The following LRRC7 variants were observed in gnomAD, a reference collection of about 807,000 sequenced individuals.
LRRC7 encodes the protein leucine rich repeat containing 7.
A neutral mutation model predicts 175.7 loss-of-function variants in LRRC7; 23 were observed. The ratio of observed to expected loss-of-function variants is 0.13; its 90% CI spans 0.09 to 0.19. The LOEUF (loss-of-function observed/expected upper bound fraction) is 0.19, where lower values mean the gene tolerates loss of function less well. Among genes scored for constraint, LRRC7 ranks in the 10% least tolerant of loss-of-function variants. The probability of loss-of-function intolerance (pLI) is 1.00; values close to 1 mark genes in which losing one functional copy is unlikely to be tolerated. For synonymous variants in LRRC7, 685 were observed against 680.9 expected (o/e 1.01, Z -0.09); for missense variants, 1,354 against 1,904.7 (o/e 0.71, Z 5.38).
intron 7 of LRRC7, among the ~76,000 whole-genome samples, chr1:69,899,625 A>G (rs537433834): frequency 1.1e-4 from 16 of 152,332 alleles, no homozygotes; most frequent in African/African-American, 3.8e-4. Flanking sequence ...ACAAATGATC[A>G]TGGCTGTGTT....
At chr1:69,671,344 A>G (rs925204764) in intron 1 of LRRC7, among the ~76,000 whole-genome samples, 8 of 152,168 alleles carry the variant, frequency 5.3e-5, no homozygotes, top group Middle Eastern at 6.8e-3. Context: ...GCTCTATCCT[A>G]CTGTGGCTAA....
intron 9 of LRRC7, 94 bp downstream of exon 9, chr1:69,980,547 G>A: frequency 9.7e-7 from 1 of 1,032,618 alleles, no homozygotes; most frequent in East Asian, 2.5e-5. Context: ...CAGTATTTGT[G>A]TTTCAAAGTA....
chr1:69,724,291 A>G (rs1490855404), intron 2 of LRRC7, among the ~76,000 whole-genome samples: 1 of 152,164 alleles, frequency 6.6e-6, no homozygotes, highest in East Asian at 1.9e-4. Context: ...GCAGTGAACC[A>G]AGATCACACC....
chr1:69,728,711 C>G (rs1452114768), intron 2 of LRRC7, among the ~76,000 whole-genome samples: 2 of 152,158 alleles, frequency 1.3e-5, no homozygotes, highest in Non-Finnish European at 2.9e-5. Flanking sequence ...ATAAAGGAAG[C>G]TTCAACTTCA....
intron 2 of LRRC7, among the ~76,000 whole-genome samples, chr1:69,700,846 T>C (rs1040087452): frequency 6.6e-6 from 1 of 152,184 alleles, no homozygotes; most frequent in Admixed American, 6.5e-5. Flanking sequence ...AGAAATAATG[T>C]GATCAGCCCA....
Position 69,982,296 on chromosome 1 carries a change from G to A in LRRC7, c.786+1843G>A, listed in dbSNP as rs373888846. Among the ~76,000 whole-genome samples the A allele has an allele frequency of 1.0e-3, 152 of 152,216 alleles. 4 individuals are homozygous for A. The highest frequency in any genetic ancestry group is 3.3e-3 in the African/African-American group (139 of 41,522). On this transcript the variant is annotated intron_variant, in intron 9 of 26. Coordinates refer to ENST00000651989, the MANE Select transcript of LRRC7 (RefSeq NM_001370785.2). Reference sequence around the variant, plus strand: ...TTTGTATACTTGCACTTGGTAATTTGTTATACGCTGTGTGGGAATACCCTA... The same window carrying A: ...TTTGTATACTTGCACTTGGTAATTTATTATACGCTGTGTGGGAATACCCTA...
At chr1:69,835,114 TA>T (rs1680957274) in intron 6 of LRRC7, among the ~76,000 whole-genome samples, 1 of 151,614 alleles carries the variant, frequency 6.6e-6, no homozygotes, top group Non-Finnish European at 1.5e-5. Context: ...TAAAAAAAAA[TA>T]AAGCCAGAAA....
At position 70,127,385 on chromosome 1, in the gene LRRC7, G is replaced by A. The variant is rs1462510199; in HGVS notation, c.*5498G>A. 2.0e-5 allele frequency among the ~76,000 whole-genome samples: 3 copies of A among 152,170 alleles called. No homozygotes were observed. Among genetic ancestry groups the A allele is most frequent in the Admixed American group, 6.5e-5 (1 of 15,282 alleles). On this transcript the variant is annotated 3_prime_UTR_variant, in exon 27 of 27. Coordinates refer to ENST00000651989, the MANE Select transcript of LRRC7 (RefSeq NM_001370785.2). Reference sequence around the variant, plus strand: ...AATTCAGAGATTTTTGAAAAACCGAGGGGGCAAGTCTACTCTAAGTTTTTA... The same window carrying A: ...AATTCAGAGATTTTTGAAAAACCGAAGGGGCAAGTCTACTCTAAGTTTTTA...
chr1:69,613,050 C>G (rs1219888285), intron 1 of LRRC7, among the ~76,000 whole-genome samples: 4 of 152,050 alleles, frequency 2.6e-5, no homozygotes, highest in African/African-American at 9.7e-5. Context: ...CTACCCCACC[C>G]ATCTTCACTT....
chr1:69,822,862 G>A (rs1375173582), intron 4 of LRRC7, among the ~76,000 whole-genome samples: 3 of 152,172 alleles, frequency 2.0e-5, no homozygotes, highest in African/African-American at 7.2e-5. Context: ...TCTGCAGGTG[G>A]TTGCCAAAAT....
chr1:69,739,402 TAGA>T (rs911560994), intron 2 of LRRC7, among the ~76,000 whole-genome samples: 4 of 152,078 alleles, frequency 2.6e-5, no homozygotes, highest in African/African-American at 9.7e-5. Flanking sequence ...CCCAGGAATG[TAGA>T]AGAAGAAATT....
chr1:70,021,928 G>T (rs1192895047), intron 16 of LRRC7, among the ~76,000 whole-genome samples: 1 of 152,000 alleles, frequency 6.6e-6, no homozygotes, highest in Non-Finnish European at 1.5e-5. Flanking sequence ...GCTACTAACA[G>T]CTCTCACTCT....
intron 2 of LRRC7, among the ~76,000 whole-genome samples, chr1:69,723,297 A>T (rs1165657945): frequency 2.6e-5 from 4 of 152,124 alleles, no homozygotes; most frequent in African/African-American, 7.2e-5. Flanking sequence ...TACGTTTTTT[A>T]TATGGCTATC....
At chr1:69,751,405 C>T (rs1227622729) in intron 2 of LRRC7, among the ~76,000 whole-genome samples, 1 of 151,318 alleles carries the variant, frequency 6.6e-6, no homozygotes, top group African/African-American at 2.4e-5. Context: ...TGGCAAGGGT[C>T]TGAATTAGAT....
chr1:69,884,931 T>G (rs1435338278), intron 7 of LRRC7, among the ~76,000 whole-genome samples: 2 of 149,436 alleles, frequency 1.3e-5, no homozygotes, highest in Non-Finnish European at 3.0e-5. Context: ...TTGATTTGTG[T>G]ATATTGAACC....
At chr1:69,972,667 G>T (rs1006228023) in intron 8 of LRRC7, among the ~76,000 whole-genome samples, 2 of 152,070 alleles carry the variant, frequency 1.3e-5, no homozygotes, top group Non-Finnish European at 2.9e-5. Flanking sequence ...TACACTGCTG[G>T]TGGGAATGTA....
At chr1:69,613,904 A>G (rs928159391) in intron 1 of LRRC7, among the ~76,000 whole-genome samples, 1 of 152,044 alleles carries the variant, frequency 6.6e-6, no homozygotes, top group African/African-American at 2.4e-5. Flanking sequence ...GTACATATCA[A>G]ATAAGAGAGA....
At chr1:69,634,517 T>C (rs1301673600) in intron 1 of LRRC7, among the ~76,000 whole-genome samples, 1 of 152,156 alleles carries the variant, frequency 6.6e-6, no homozygotes, top group Non-Finnish European at 1.5e-5. Context: ...TTCTTGGTTC[T>C]GGAAGAATAA....
intron 25 of LRRC7, among the ~76,000 whole-genome samples, chr1:70,107,393 G>T (rs1665216899): frequency 6.6e-6 from 1 of 152,062 alleles, no homozygotes; most frequent in Non-Finnish European, 1.5e-5. Context: ...CTTTAATGGA[G>T]ACATAGTTAA....
Sources: gnomAD v4.1 joint callset for allele counts (sites outside exome capture counted in the v4.1 genomes callset) on GRCh38, gnomAD v4.1.1 for gene constraint, MANE v1.5 for transcripts, NCBI Gene and HGNC (gene_info 2026-07-23, HGNC 2026-07-21) for gene names.